The following DLG2 variants were observed in gnomAD, a reference collection of about 807,000 sequenced individuals.
DLG2 encodes the protein discs large MAGUK scaffold protein 2.
Under a neutral mutation model 132.5 loss-of-function variants are expected in DLG2, and 45 were observed. That is an observed-to-expected ratio of 0.34 (90% CI 0.27 to 0.44). The LOEUF (loss-of-function observed/expected upper bound fraction) is 0.44. DLG2 is among the 20% of genes least tolerant of loss of function. The probability of loss-of-function intolerance (pLI) is 1.00; values close to 1 mark genes in which losing one functional copy is unlikely to be tolerated. For missense variants in DLG2, 1,045 were observed against 1,196.9 expected (o/e 0.87, Z 1.87); for synonymous variants, 424 against 419.6 (o/e 1.01, Z -0.13).
At chr11:84,845,693 T>TG (rs1382005373) in intron 6 of DLG2, among the ~76,000 whole-genome samples, 6 of 151,492 alleles carry the variant, frequency 4.0e-5, no homozygotes, top group Admixed American at 1.3e-4. Flanking sequence ...TTTTTTTTTT[T>TG]TTTTTGACAC....
chr11:85,254,759 G>C (rs2076578064), intron 4 of DLG2, among the ~76,000 whole-genome samples: 1 of 152,134 alleles, frequency 6.6e-6, no homozygotes, highest in East Asian at 1.9e-4. Context: ...CCAGCACTCT[G>C]GGAGGCTGAG....
At chr11:85,024,500 G>GC (rs2060348732) in intron 6 of DLG2, among the ~76,000 whole-genome samples, 2 of 152,088 alleles carry the variant, frequency 1.3e-5, no homozygotes, top group Non-Finnish European at 2.9e-5. Flanking sequence ...ATAAATGCAG[G>GC]CCCCCAAAGC....
intron 19 of DLG2, among the ~76,000 whole-genome samples, chr11:83,554,610 G>T (rs2096477264): frequency 6.6e-6 from 1 of 152,128 alleles, no homozygotes; most frequent in African/African-American, 2.4e-5. Context: ...TTTTAATATT[G>T]ATCTATCTAA....
At chr11:84,206,391 T>C (rs1349553244) in intron 8 of DLG2, among the ~76,000 whole-genome samples, 1 of 152,038 alleles carries the variant, frequency 6.6e-6, no homozygotes, top group East Asian at 1.9e-4. Context: ...CCCAAGTCAT[T>C]TTTTGAGGCC....
At chr11:84,329,029 T>A (rs1271007838) in intron 7 of DLG2, among the ~76,000 whole-genome samples, 1 of 152,192 alleles carries the variant, frequency 6.6e-6, no homozygotes, top group Non-Finnish European at 1.5e-5. Flanking sequence ...TAAACAAGTG[T>A]GCTCAGTGAT....
chr11:84,079,304 G>A (rs191992401), intron 10 of DLG2, among the ~76,000 whole-genome samples: 1 of 144,192 alleles, frequency 6.9e-6, no homozygotes, highest in African/African-American at 2.5e-5. Flanking sequence ...TTCTTTTTGA[G>A]ATGGAGTCTT....
At chr11:84,074,947 T>C (rs924629235) in intron 10 of DLG2, among the ~76,000 whole-genome samples, 2 of 152,222 alleles carry the variant, frequency 1.3e-5, no homozygotes, top group Non-Finnish European at 2.9e-5. Flanking sequence ...CTTACAAAGT[T>C]TGAGCTCCTA....
At chr11:85,314,654 C>T (rs2080531882) in intron 3 of DLG2, among the ~76,000 whole-genome samples, 1 of 151,758 alleles carries the variant, frequency 6.6e-6, no homozygotes, top group African/African-American at 2.4e-5. Context: ...AAGAGAAATA[C>T]TACAGAAGAA....
intron 3 of DLG2, among the ~76,000 whole-genome samples, chr11:85,290,005 C>A: frequency 6.6e-6 from 1 of 152,172 alleles, no homozygotes; most frequent in East Asian, 1.9e-4. Flanking sequence ...GGAATGAAGA[C>A]AATGTTCTAT....
chr11:84,492,743 TC>T (rs750464194), intron 7 of DLG2, among the ~76,000 whole-genome samples: 24 of 152,164 alleles, frequency 1.6e-4, no homozygotes, highest in Non-Finnish European at 2.6e-4. Flanking sequence ...TATTATGTCA[TC>T]TTTATGATTA....
At chr11:83,946,327 T>C (rs1289564120) in intron 14 of DLG2, among the ~76,000 whole-genome samples, 2 of 152,110 alleles carry the variant, frequency 1.3e-5, no homozygotes, top group East Asian at 1.9e-4. Context: ...AAAGACACAA[T>C]GAATTTAAGA....
intron 6 of DLG2, among the ~76,000 whole-genome samples, chr11:85,083,592 G>T (rs1593866277): frequency 6.6e-6 from 1 of 152,238 alleles, no homozygotes; most frequent in East Asian, 1.9e-4. Context: ...CAGTGACTTG[G>T]TATGGAAGGT....
intron 11 of DLG2, among the ~76,000 whole-genome samples, chr11:84,046,679 G>A (rs2096249142): frequency 6.6e-6 from 1 of 151,016 alleles, no homozygotes; most frequent in African/African-American, 2.4e-5. Context: ...TCTCAATCTT[G>A]CCTAATATCA....
intron 6 of DLG2, among the ~76,000 whole-genome samples, chr11:84,707,427 G>C (rs925917036): frequency 6.6e-6 from 1 of 151,820 alleles, no homozygotes; most frequent in African/African-American, 2.4e-5. Context: ...TAACTGACAT[G>C]GAGGTGTATG....
chr11:84,956,240 A>C (rs1566500929), intron 6 of DLG2, among the ~76,000 whole-genome samples: 1 of 152,222 alleles, frequency 6.6e-6, no homozygotes, highest in Non-Finnish European at 1.5e-5. Flanking sequence ...ATTTCTAAAA[A>C]TCAACATTGG....
At chr11:85,091,315 G>C (rs1043606490) in intron 6 of DLG2, among the ~76,000 whole-genome samples, 2 of 152,176 alleles carry the variant, frequency 1.3e-5, no homozygotes, top group African/African-American at 4.8e-5. Flanking sequence ...TGCTAGAAAA[G>C]TGCTAAGGAT....
chr11:84,418,757 T>A (rs927954865), intron 7 of DLG2, among the ~76,000 whole-genome samples: 1 of 152,216 alleles, frequency 6.6e-6, no homozygotes, highest in East Asian at 1.9e-4. Flanking sequence ...CAACCTAGAA[T>A]AAATACGCTT....
intron 20 of DLG2, among the ~76,000 whole-genome samples, chr11:83,540,408 A>T (rs1402810514): frequency 1.3e-5 from 2 of 152,168 alleles, no homozygotes; most frequent in Non-Finnish European, 2.9e-5. Flanking sequence ...AAAGAAACCC[A>T]GAGAACTCTG....
chr11:85,364,845 G>GT (rs1466273792), intron 3 of DLG2, among the ~76,000 whole-genome samples: 1 of 151,416 alleles, frequency 6.6e-6, no homozygotes, highest in South Asian at 2.1e-4. Flanking sequence ...TTATCACATA[G>GT]TTTTTTTGTT....
Sources: allele counts gnomAD v4.1 joint callset (sites outside exome capture counted in the v4.1 genomes callset), GRCh38; gene constraint gnomAD v4.1.1; transcripts MANE v1.5; gene names NCBI Gene and HGNC (gene_info 2026-07-23, HGNC 2026-07-21).